The following ZNF567 variants were observed in gnomAD, a reference collection of about 807,000 sequenced individuals.
ZNF567 encodes the protein zinc finger protein 567.
ZNF567 carries 36 observed loss-of-function variants against 53.9 expected under a neutral mutation model. The ratio of observed to expected loss-of-function variants is 0.67; its 90% CI spans 0.51 to 0.88. The LOEUF (loss-of-function observed/expected upper bound fraction) is 0.88. ZNF567 is among the 40% of genes least tolerant of loss of function. The pLI, the probability that ZNF567 is intolerant of heterozygous loss-of-function variation, is 0.00. For synonymous variants in ZNF567, 224 were observed against 260.4 expected, an observed-to-expected ratio of 0.86 and a Z score of 1.35; for missense variants, 619 against 764.7, an observed-to-expected ratio of 0.81 and a Z score of 2.25.
At chr19:36,669,579 T>C in the ZNF567 span, among the ~76,000 whole-genome samples, 11 of 152,200 alleles carry the variant, frequency 7.2e-5, no homozygotes, top group East Asian at 1.7e-3. Flanking sequence ...TCTATTTCAG[T>C]GAGAAAAAAG....
intron 3 of ZNF567, among the ~76,000 whole-genome samples, chr19:36,706,358 A>G (rs976266288): frequency 6.6e-6 from 1 of 152,200 alleles, no homozygotes; most frequent in Non-Finnish European, 1.5e-5. Context: ...CAGTGGCACA[A>G]TCATGGCTCA....
chr19:36,714,614 A>G (rs2039955213), intron 5 of ZNF567: 2 of 386,450 alleles, frequency 5.2e-6, no homozygotes, highest in East Asian at 7.3e-5. Context: ...TCTCACTACA[A>G]ATTTAGCTAT....
intron 3 of ZNF567, among the ~76,000 whole-genome samples, chr19:36,698,165 A>C (rs1353255682): frequency 6.6e-6 from 1 of 151,970 alleles, no homozygotes; most frequent in East Asian, 1.9e-4. Flanking sequence ...ATAAGTGAGA[A>C]CATGCGGTGT....
At chr19:36,694,385 C>G (rs2038771705) in intron 2 of ZNF567, among the ~76,000 whole-genome samples, 1 of 152,102 alleles carries the variant, frequency 6.6e-6, no homozygotes, top group Non-Finnish European at 1.5e-5. Context: ...GAAACTAGAA[C>G]CACAATTTAC....
chr19:36,697,360 AT>A (rs912642631), intron 3 of ZNF567, among the ~76,000 whole-genome samples: 281 of 149,332 alleles, frequency 1.9e-3, no homozygotes, highest in African/African-American at 6.0e-3. Flanking sequence ...TATTCTAGTA[AT>A]TTTTTTTTTG....
rs1243479132 is a variant in ZNF567, at chr19:36,707,231, T to C, written c.10-5155T>C. ...TTCACTTATTAGAAGTACTTCTTTA[T>C]TTTCTTGTTTGTTTTGTTTTTTAGT... On this transcript the variant is annotated intron_variant, in intron 3 of 5. Coordinates refer to ENST00000682579, the MANE Select transcript of ZNF567 (RefSeq NM_001322917.1). Among the ~76,000 whole-genome samples, 3 of 152,162 alleles carry C rather than the reference T, an allele frequency of 2.0e-5. No individual in the cohort carries two copies. The East Asian group carries it at 5.8e-4, about 29-fold the overall frequency.
chr19:36,721,283 A>AT lies in ZNF567; in HGVS notation c.*621dup, dbSNP rs1254673684. 2 of 152,052 alleles carry AT rather than the reference A, an allele frequency of 1.3e-5. No homozygotes were observed. Among genetic ancestry groups the AT allele is most frequent in the African/African-American group, 2.4e-5 (1 of 41,392 alleles). 9.4% of individuals were successfully genotyped at this position (152,052 alleles called of 1,614,324 possible). On this transcript the variant is annotated 3_prime_UTR_variant, in exon 6 of 6. Coordinates refer to ENST00000682579, the MANE Select transcript of ZNF567 (RefSeq NM_001322917.1). ...GTTTATCCTATTGATGGATATTTGT[A>AT]TTTTTTATACTTTTGTGTAATAATA...
intron 5 of ZNF567, among the ~76,000 whole-genome samples, chr19:36,717,395 G>T (rs937891987): frequency 2.6e-5 from 4 of 152,074 alleles, no homozygotes; most frequent in African/African-American, 9.7e-5. Context: ...AACCTGGAAG[G>T]CAAGCTAATT....
Position 36,720,789 on chromosome 19 carries a change from A to G in ZNF567, c.*121A>G. 1 of 865,442 alleles carries G rather than the reference A, an allele frequency of 1.2e-6. No homozygotes were observed. Among genetic ancestry groups the G allele is most frequent in the Non-Finnish European group, 1.7e-6 (1 of 603,264 alleles). 53.6% of individuals were successfully genotyped at this position (865,442 alleles called of 1,614,324 possible). On this transcript the variant is annotated 3_prime_UTR_variant, in exon 6 of 6. Transcript: ENST00000682579. ...TCACAAGTCTAATAATTATTAAAGT[A>G]CCATACGGAATAACTGTCTACTGTT...
At chr19:36,699,209 T>A (rs1045320451) in intron 3 of ZNF567, among the ~76,000 whole-genome samples, 1 of 152,144 alleles carries the variant, frequency 6.6e-6, no homozygotes, top group Non-Finnish European at 1.5e-5. Flanking sequence ...TTTTCTCAGA[T>A]TTGTCAAAGC....
the ZNF567 span, among the ~76,000 whole-genome samples, chr19:36,680,224 G>T: frequency 2.0e-5 from 3 of 152,054 alleles, no homozygotes; most frequent in East Asian, 1.9e-4. Context: ...TGAAATAACA[G>T]TTGCCCCCTA....
upstream of ZNF567, chr19:36,687,461 C>T (rs964735996): frequency 2.0e-5 from 3 of 152,326 alleles, no homozygotes; most frequent in African/African-American, 7.2e-5. Context: ...AACCAGAGAT[C>T]AAAGTTCGAA....
chr19:36,706,044 G>A (rs1164674812), intron 3 of ZNF567, among the ~76,000 whole-genome samples: 1 of 152,064 alleles, frequency 6.6e-6, no homozygotes, highest in African/African-American at 2.4e-5. Flanking sequence ...TCACAATTCT[G>A]GAGGCTGGGA....
chr19:36,686,867 C>A (rs547079740), upstream of ZNF567: 1 of 152,164 alleles, frequency 6.6e-6, no homozygotes, highest in Non-Finnish European at 1.5e-5. Flanking sequence ...AAGAAACAAT[C>A]GAGTCTAAAA....
At chr19:36,713,859 C>T (rs143309730) in intron 5 of ZNF567, among the ~76,000 whole-genome samples, 70 of 152,274 alleles carry the variant, frequency 4.6e-4, no homozygotes, top group African/African-American at 1.6e-3. Flanking sequence ...CGCTTAAACC[C>T]GGTAGGCGGA....
At chr19:36,705,045 C>T (rs1485758502) in intron 3 of ZNF567, among the ~76,000 whole-genome samples, 1 of 152,110 alleles carries the variant, frequency 6.6e-6, no homozygotes, top group African/African-American at 2.4e-5. Context: ...TAACAATACC[C>T]CTTTTTTATT....
chr19:36,716,343 CTG>C (rs1210952382), intron 5 of ZNF567, among the ~76,000 whole-genome samples: 1 of 152,222 alleles, frequency 6.6e-6, no homozygotes, highest in African/African-American at 2.4e-5. Context: ...CAAGATTTCT[CTG>C]TGAAATCTTC....
At chr19:36,691,505 A>G (rs1300107232) in intron 2 of ZNF567, among the ~76,000 whole-genome samples, 1 of 152,122 alleles carries the variant, frequency 6.6e-6, no homozygotes, top group Non-Finnish European at 1.5e-5. Context: ...ACCGAATATT[A>G]TATTCTATCT....
At chr19:36,700,837 C>T (rs1056184989) in intron 3 of ZNF567, among the ~76,000 whole-genome samples, 62 of 152,044 alleles carry the variant, frequency 4.1e-4, no homozygotes, top group African/African-American at 1.4e-3. Flanking sequence ...GTCTTGCTAG[C>T]GGTCTATCAA....
Sources: allele counts gnomAD v4.1 joint callset (sites outside exome capture counted in the v4.1 genomes callset), GRCh38; gene constraint gnomAD v4.1.1; transcripts MANE v1.5; gene names NCBI Gene and HGNC (gene_info 2026-07-23, HGNC 2026-07-21).